AFF2: variants seen among roughly 807,000 people sequenced by gnomAD.
AFF2 encodes ALF transcription elongation factor 2, also known as AF4/FMR2 family member 2.
In AFF2, 14 loss-of-function variants were observed where a neutral mutation model predicts 76.9. The observed-to-expected ratio is 0.18, with a 90% CI of 0.12 to 0.28. The LOEUF is 0.28. Among genes scored for constraint, AFF2 ranks in the 10% least tolerant of loss-of-function variants. The pLI is 1.00. For synonymous variants in AFF2, 398 were observed against 366.7 expected (o/e 1.09, Z -0.98); for missense variants, 868 against 1,001.1 (o/e 0.87, Z 1.79).
At chrX:148,638,374 G>A (rs1176432224) in intron 1 of AFF2, among the ~76,000 whole-genome samples, 1 of 110,476 alleles carries the variant, frequency 9.1e-6, no homozygotes, top group Non-Finnish European at 1.9e-5. Context: ...GAGAGAGCAG[G>A]GGAACTGCCA....
At chrX:148,713,608 T>C (rs2054994370) in intron 3 of AFF2, among the ~76,000 whole-genome samples, 1 of 111,941 alleles carries the variant, frequency 8.9e-6, no homozygotes, top group Non-Finnish European at 1.9e-5. Flanking sequence ...TAAATTATGT[T>C]CCAAAACCAC....
chrX:148,654,736 G>A (rs1481323008), intron 2 of AFF2, among the ~76,000 whole-genome samples: 3 of 108,958 alleles, frequency 2.8e-5, no homozygotes, highest in Non-Finnish European at 5.7e-5. Flanking sequence ...AAGCAGGCGA[G>A]GGGAAGGAAG....
At chrX:148,833,992 G>T (rs1557273557) in intron 4 of AFF2, among the ~76,000 whole-genome samples, 1 of 111,984 alleles carries the variant, frequency 8.9e-6, no homozygotes, top group African/African-American at 3.2e-5. Flanking sequence ...TGTCTAAATT[G>T]GGCAAAGCAA....
intron 19 of AFF2, among the ~76,000 whole-genome samples, chrX:148,985,839 C>T (rs1569558052): frequency 9.0e-6 from 1 of 111,080 alleles, no homozygotes; most frequent in East Asian, 2.9e-4. Context: ...GAACTTGCTC[C>T]CTCAGACCAG....
At chrX:148,529,032 ATAACT>A (rs2052697454) in intron 1 of AFF2, among the ~76,000 whole-genome samples, 1 of 112,408 alleles carries the variant, frequency 8.9e-6, no homozygotes, top group Non-Finnish European at 1.9e-5. Flanking sequence ...GTTGATAATC[ATAACT>A]TAAGTTATAT....
At chrX:148,571,617 A>G (rs2053230505) in intron 1 of AFF2, among the ~76,000 whole-genome samples, 1 of 111,308 alleles carries the variant, frequency 9.0e-6, no homozygotes, top group Non-Finnish European at 1.9e-5. Flanking sequence ...GCTAACCCAA[A>G]TCCTCCTAGA....
intron 5 of AFF2, among the ~76,000 whole-genome samples, chrX:148,839,292 AC>A (rs782048061): frequency 4.2e-4 from 47 of 112,019 alleles, no homozygotes; most frequent in South Asian, 1.5e-3. Context: ...AAGTCTACAC[AC>A]CCACTCCTGT....
intron 15 of AFF2, among the ~76,000 whole-genome samples, chrX:148,969,069 A>G (rs1557289204): frequency 8.9e-6 from 1 of 112,948 alleles, no homozygotes; most frequent in African/African-American, 3.2e-5. Flanking sequence ...TGGGATATAC[A>G]TAGGAGACCA....
intron 3 of AFF2, among the ~76,000 whole-genome samples, chrX:148,767,488 T>C (rs1242093944): frequency 1.8e-5 from 2 of 111,926 alleles, no homozygotes; most frequent in Non-Finnish European, 3.8e-5. Flanking sequence ...TTTAGTCATA[T>C]AGGCTGATTT....
chrX:148,985,770 A>T (rs2072463372), intron 19 of AFF2, among the ~76,000 whole-genome samples: 1 of 110,878 alleles, frequency 9.0e-6, no homozygotes, highest in African/African-American at 3.3e-5. Context: ...AATTATAAAC[A>T]TAGCAGAAAC....
intron 1 of AFF2, among the ~76,000 whole-genome samples, chrX:148,506,438 C>A (rs2052418934): frequency 9.0e-6 from 1 of 111,605 alleles, no homozygotes; most frequent in Non-Finnish European, 1.9e-5. Flanking sequence ...TGGAAGAAAT[C>A]TGTGGAATTA....
chrX:148,506,564 A>C (rs986423588), intron 1 of AFF2, among the ~76,000 whole-genome samples: 1 of 110,501 alleles, frequency 9.0e-6, no homozygotes, highest in African/African-American at 3.3e-5. Flanking sequence ...CTTCATGAAA[A>C]TGTGAGAATG....
chrX:148,527,654 A>G (rs2052679824), intron 1 of AFF2, among the ~76,000 whole-genome samples: 1 of 111,743 alleles, frequency 8.9e-6, no homozygotes, highest in South Asian at 3.8e-4. Flanking sequence ...TGAAAGATAT[A>G]TAGGCTATTT....
At chrX:148,708,172 A>T in intron 3 of AFF2, among the ~76,000 whole-genome samples, 1 of 111,996 alleles carries the variant, frequency 8.9e-6, no homozygotes, top group East Asian at 2.8e-4. Context: ...TCTTTAAAAA[A>T]TCTTCAGAAT....
At chrX:148,962,645 G>T in intron 12 of AFF2, 70 bp from the exon 13 acceptor site, 1 of 922,551 alleles carries the variant, frequency 1.1e-6, no homozygotes, top group Non-Finnish European at 1.5e-6. Context: ...TACAGTACTA[G>T]CATCATGGGG....
chrX:148,516,269 A>G (rs1488412875), intron 1 of AFF2, among the ~76,000 whole-genome samples: 1 of 112,007 alleles, frequency 8.9e-6, no homozygotes, highest in Non-Finnish European at 1.9e-5. Flanking sequence ...TTTAGGTTAC[A>G]TAGAGCAGGG....
intron 3 of AFF2, among the ~76,000 whole-genome samples, chrX:148,751,100 T>C (rs185884955): frequency 2.7e-5 from 3 of 112,607 alleles, no homozygotes; most frequent in Middle Eastern, 4.6e-3. Context: ...CTGACTATAA[T>C]TGAAACCACA....
intron 3 of AFF2, among the ~76,000 whole-genome samples, chrX:148,790,673 C>T (rs1376626402): frequency 5.7e-5 from 6 of 106,151 alleles, no homozygotes; most frequent in Non-Finnish European, 1.2e-4. Flanking sequence ...GAACAACACT[C>T]ACTGGGGCCT....
intron 1 of AFF2, among the ~76,000 whole-genome samples, chrX:148,632,665 T>G (rs1171205182): frequency 5.3e-5 from 6 of 112,244 alleles, no homozygotes; most frequent in Non-Finnish European, 9.4e-5. Context: ...TCAGTGAGAC[T>G]GCCAGTGACC....
Sources: gnomAD v4.1 joint callset for allele counts (sites outside exome capture counted in the v4.1 genomes callset) on GRCh38, gnomAD v4.1.1 for gene constraint, MANE v1.5 for transcripts, NCBI Gene and HGNC (gene_info 2026-07-23, HGNC 2026-07-21) for gene names.